Variants in AIG1 observed in about 807,000 individuals in gnomAD.
AIG1 encodes the protein androgen-induced gene 1 protein.
AIG1 carries 23 observed loss-of-function variants against 31.4 expected under a neutral mutation model. That is an observed-to-expected ratio of 0.73 (90% CI 0.53 to 1.04). The LOEUF is 1.04. AIG1 is among the 50% of genes least tolerant of loss of function. The pLI, the probability that AIG1 is intolerant of heterozygous loss-of-function variation, is 0.00. For missense variants in AIG1, 274 were observed against 295.0 expected (o/e 0.93, Z 0.52); for synonymous variants, 100 against 110.5 (o/e 0.90, Z 0.60).
chr6:143,307,455 A>T (rs1443343512), intron 4 of AIG1, among the ~76,000 whole-genome samples: 1 of 152,204 alleles, frequency 6.6e-6, no homozygotes, highest in African/African-American at 2.4e-5. Context: ...GGAGTTTGCT[A>T]GAGGTCCACT....
At chr6:143,192,461 C>A (rs1198398635) in intron 3 of AIG1, among the ~76,000 whole-genome samples, 1 of 151,884 alleles carries the variant, frequency 6.6e-6, no homozygotes, top group Non-Finnish European at 1.5e-5. Flanking sequence ...AAAAATTAGC[C>A]GGGTGTGGTG....
intron 3 of AIG1, among the ~76,000 whole-genome samples, chr6:143,274,410 A>G (rs1225073750): frequency 6.6e-6 from 1 of 152,248 alleles, no homozygotes; most frequent in African/African-American, 2.4e-5. Flanking sequence ...CTTGAGAATT[A>G]AATGAGTTTT....
At position 143,155,376 on chromosome 6, in the gene AIG1, A is replaced by G. The variant is rs116754876; in HGVS notation, c.298-9706A>G. Among the ~76,000 whole-genome samples the G allele has an allele frequency of 8.0e-3, 1,210 of 152,160 alleles. 17 individuals carry two copies. Among genetic ancestry groups the G allele is most frequent in the African/African-American group, 0.027 (1,125 of 41,512 alleles). On this transcript the variant is annotated intron_variant, in intron 2 of 5. Coordinates refer to ENST00000357847, the MANE Select transcript of AIG1 (RefSeq NM_016108.4). The stretch of plus-strand genomic sequence containing the variant: ...GGGCCCAAAGCTGGGGCAGCTCAGG[A>G]GAGGCTTCTTCTTGTGGGGGGGATA...
intron 1 of AIG1, among the ~76,000 whole-genome samples, chr6:143,092,477 A>C (rs1347590461): frequency 6.6e-6 from 1 of 152,122 alleles, no homozygotes. Context: ...CATGGGCTGC[A>C]GAATGGGTGT....
chr6:143,318,980 T>C (rs1299356221), intron 4 of AIG1, among the ~76,000 whole-genome samples: 1 of 152,096 alleles, frequency 6.6e-6, no homozygotes, highest in Non-Finnish European at 1.5e-5. Flanking sequence ...AAATAATAGA[T>C]GTTGGCCTGG....
At chr6:143,110,519 G>A (rs1454877309) in intron 1 of AIG1, among the ~76,000 whole-genome samples, 4 of 152,110 alleles carry the variant, frequency 2.6e-5, no homozygotes, top group African/African-American at 9.7e-5. Flanking sequence ...ACTGCACATC[G>A]TTCACTGGCT....
intron 3 of AIG1, among the ~76,000 whole-genome samples, chr6:143,219,900 C>T (rs1003042103): frequency 3.3e-5 from 5 of 152,206 alleles, no homozygotes; most frequent in African/African-American, 7.2e-5. Flanking sequence ...TCTGCCTTCA[C>T]TACACAACGG....
intron 1 of AIG1, among the ~76,000 whole-genome samples, chr6:143,098,722 C>T (rs1013560515): frequency 2.6e-5 from 4 of 152,186 alleles, no homozygotes; most frequent in Non-Finnish European, 5.9e-5. Flanking sequence ...TATTCTCTAT[C>T]TAAATAAATG....
At chr6:143,149,322 C>T (rs1278926699) in intron 2 of AIG1, among the ~76,000 whole-genome samples, 3 of 151,590 alleles carry the variant, frequency 2.0e-5, no homozygotes, top group African/African-American at 7.3e-5. Context: ...GTCAGGAGAT[C>T]GAGACCATCC....
intron 1 of AIG1, among the ~76,000 whole-genome samples, chr6:143,095,970 G>A (rs1247142740): frequency 7.2e-6 from 1 of 139,284 alleles, no homozygotes; most frequent in African/African-American, 2.7e-5. Flanking sequence ...GCAGTGGCAC[G>A]ATCTCGGCTC....
At position 143,143,318 on chromosome 6, in the gene AIG1, A is replaced by T. The variant is rs10434889; in HGVS notation, c.297+6328A>T. Among the ~76,000 whole-genome samples the T allele has an allele frequency of 2.9e-3, 442 of 150,350 alleles. 13 individuals carry two copies. The East Asian group carries it at 0.054, about 18-fold the overall frequency. The stretch of plus-strand genomic sequence containing the variant: ...GAGACCATCCTGGCTAACACAGTGA[A>T]ACCCCATCTCTACTAAAAAAAAAAT... On this transcript the variant is annotated intron_variant, in intron 2 of 5. Coordinates refer to ENST00000357847, the MANE Select transcript of AIG1 (RefSeq NM_016108.4).
At chr6:143,153,191 GA>G (rs1400033903) in intron 2 of AIG1, among the ~76,000 whole-genome samples, 4 of 152,134 alleles carry the variant, frequency 2.6e-5, no homozygotes, top group Non-Finnish European at 5.9e-5. Context: ...AGTAGGGAAG[GA>G]AATGTGCGAG....
At chr6:143,309,262 T>C (rs1490856799) in intron 4 of AIG1, among the ~76,000 whole-genome samples, 1 of 151,932 alleles carries the variant, frequency 6.6e-6, no homozygotes, top group Admixed American at 6.5e-5. Flanking sequence ...TCCACAGACC[T>C]ACCCTAGAAT....
intron 1 of AIG1, among the ~76,000 whole-genome samples, chr6:143,113,629 C>A (rs1336611184): frequency 6.6e-6 from 1 of 151,134 alleles, no homozygotes; most frequent in African/African-American, 2.4e-5. Context: ...AAAAAAGTTA[C>A]AGATTTCTTT....
At chr6:143,136,452 T>G (rs1310714049) in intron 1 of AIG1, among the ~76,000 whole-genome samples, 2 of 152,220 alleles carry the variant, frequency 1.3e-5, no homozygotes, top group Non-Finnish European at 2.9e-5. Flanking sequence ...CTAGTTATAT[T>G]GACTAGTAGA....
At position 143,211,744 on chromosome 6, in the gene AIG1, T is replaced by C. The variant is rs144117072; in HGVS notation, c.399+46561T>C. Among the ~76,000 whole-genome samples, 4 of 152,018 alleles carry C rather than the reference T, an allele frequency of 2.6e-5. No individual in the cohort carries two copies. The East Asian group carries it at 7.8e-4, about 30-fold the overall frequency. ...CCTGTCTCTACTAAAAATGCAAAAATTAGCTGGATGTGGTGGCACACGCTT... is the reference window on the plus strand; with the variant it reads ...CCTGTCTCTACTAAAAATGCAAAAACTAGCTGGATGTGGTGGCACACGCTT... On this transcript the variant is annotated intron_variant, in intron 3 of 5. Transcript: ENST00000357847.
intron 3 of AIG1, among the ~76,000 whole-genome samples, chr6:143,210,818 A>G (rs1401306328): frequency 6.6e-6 from 1 of 152,232 alleles, no homozygotes; most frequent in African/African-American, 2.4e-5. Flanking sequence ...TCAATATGGC[A>G]AAATTGTGTC....
At position 143,292,927 on chromosome 6, in the gene AIG1, C is replaced by T. The variant is rs1306977272; in HGVS notation, c.515+8702C>T. Among the ~76,000 whole-genome samples, 2 of 152,180 alleles carry T rather than the reference C, an allele frequency of 1.3e-5. No homozygotes were observed. The highest frequency in any genetic ancestry group is 2.9e-5 in the Non-Finnish European group (2 of 68,032). On this transcript the variant is annotated intron_variant, in intron 4 of 5. Coordinates refer to ENST00000357847, the MANE Select transcript of AIG1 (RefSeq NM_016108.4). The surrounding 1 kb of genome is among the most constrained non-coding windows in gnomAD (Gnocchi z 4.9). ...TTCTGCAACTTTCTTCCCTCACGAA[C>T]CTTACCCTGGAAGGCAGAAGTCTAG...
intron 1 of AIG1, among the ~76,000 whole-genome samples, chr6:143,132,428 A>G (rs1366769624): frequency 2.0e-5 from 3 of 152,078 alleles, no homozygotes; most frequent in Non-Finnish European, 4.4e-5. Context: ...GGATCGTTTT[A>G]CACAAGAAAT....
Sources: gnomAD v4.1 joint callset for allele counts (sites outside exome capture counted in the v4.1 genomes callset) on GRCh38, gnomAD v4.1.1 for gene constraint, Gnocchi (gnomAD v3.1) non-coding constraint, MANE v1.5 for transcripts, NCBI Gene and HGNC (gene_info 2026-07-23, HGNC 2026-07-21) for gene names.